The following FBXO11 variants were observed in gnomAD, a reference collection of about 807,000 sequenced individuals.
FBXO11 encodes F-box protein 11.
In FBXO11, 13 loss-of-function variants were observed where a neutral mutation model predicts 117.0. The observed-to-expected ratio is 0.11, with a 90% CI of 0.07 to 0.18. The LOEUF (loss-of-function observed/expected upper bound fraction) is 0.18, where lower values mean the gene tolerates loss of function less well. FBXO11 is among the 10% of genes least tolerant of loss of function. The probability of loss-of-function intolerance (pLI) is 1.00; values close to 1 mark genes in which losing one functional copy is unlikely to be tolerated. For missense variants in FBXO11, 767 were observed against 1,164.4 expected (o/e 0.66, Z 4.97); for synonymous variants, 490 against 380.5 (o/e 1.29, Z -3.35).
chr2:47,884,352 C>T (rs901858802), intron 1 of FBXO11, among the ~76,000 whole-genome samples: 1 of 152,194 alleles, frequency 6.6e-6, no homozygotes, highest in African/African-American at 2.4e-5. Flanking sequence ...CACCAACTCC[C>T]GTCATTACAA....
chr2:47,863,053 C>T (rs1383149074), intron 1 of FBXO11, among the ~76,000 whole-genome samples: 2 of 130,572 alleles, frequency 1.5e-5, no homozygotes, highest in Non-Finnish European at 3.3e-5. Context: ...AAAACTGTGT[C>T]TCAAAAAAAA....
At chr2:47,830,722 A>AGT (rs1372909428) in intron 11 of FBXO11, among the ~76,000 whole-genome samples, 1 of 152,074 alleles carries the variant, frequency 6.6e-6, no homozygotes, top group Non-Finnish European at 1.5e-5. Flanking sequence ...TGGTATAAGG[A>AGT]GTGTGTGTGT....
intron 1 of FBXO11, chr2:47,883,416 C>T (rs890711008): frequency 2.5e-5 from 9 of 360,832 alleles, no homozygotes; most frequent in African/African-American, 8.3e-5. Context: ...TAATCTAACT[C>T]ATCTCTTTAT....
intron 16 of FBXO11, among the ~76,000 whole-genome samples, chr2:47,816,998 A>G (rs1281323805): frequency 6.6e-6 from 1 of 152,330 alleles, no homozygotes; most frequent in East Asian, 1.9e-4. Flanking sequence ...CTTTGAAGTC[A>G]GGCATTGACT....
At chr2:47,843,358 G>C (rs1673157073) in intron 1 of FBXO11, among the ~76,000 whole-genome samples, 1 of 151,882 alleles carries the variant, frequency 6.6e-6, no homozygotes, top group African/African-American at 2.4e-5. Context: ...CACTTTTGTT[G>C]AGGGTGGTGG....
intron 1 of FBXO11, among the ~76,000 whole-genome samples, chr2:47,872,505 GGA>G (rs1675697499): frequency 6.6e-6 from 1 of 152,100 alleles, no homozygotes; most frequent in Non-Finnish European, 1.5e-5. Flanking sequence ...TGTATTTTTA[GGA>G]GAGACGGGGT....
chr2:47,890,730 G>C (rs1360740743), intron 1 of FBXO11, among the ~76,000 whole-genome samples: 1 of 152,056 alleles, frequency 6.6e-6, no homozygotes, highest in Non-Finnish European at 1.5e-5. Context: ...CTTGAACTCG[G>C]GAGGCAGAGG....
At chr2:47,818,711 A>G in intron 16 of FBXO11, 68 bp downstream of exon 16, 2 of 1,080,182 alleles carry the variant, frequency 1.9e-6, no homozygotes, top group Non-Finnish European at 1.3e-6. Context: ...CAATAAGCAA[A>G]TTTCTTTTAC....
intron 1 of FBXO11, among the ~76,000 whole-genome samples, chr2:47,872,371 C>T (rs1334721543): frequency 6.6e-6 from 1 of 152,212 alleles, no homozygotes; most frequent in East Asian, 1.9e-4. Flanking sequence ...GTTGCACAGG[C>T]TGCACTGCAA....
chr2:47,820,659 T>G (rs952422055), intron 13 of FBXO11, among the ~76,000 whole-genome samples: 11 of 152,232 alleles, frequency 7.2e-5, no homozygotes, highest in African/African-American at 2.4e-4. Context: ...GGAGCCGAGC[T>G]GCCACATTTT....
intron 1 of FBXO11, among the ~76,000 whole-genome samples, chr2:47,878,863 C>T (rs371231844): frequency 2.6e-5 from 4 of 151,848 alleles, no homozygotes; most frequent in Admixed American, 6.6e-5. Flanking sequence ...CCTGTAATCC[C>T]GGCTACTCGA....
chr2:47,863,309 T>A (rs984613833), intron 1 of FBXO11, among the ~76,000 whole-genome samples: 2 of 152,190 alleles, frequency 1.3e-5, no homozygotes, highest in Non-Finnish European at 2.9e-5. Context: ...CACTAGTTGA[T>A]TTTATAAAAG....
chr2:47,816,337 G>A (rs1166285894), intron 16 of FBXO11, among the ~76,000 whole-genome samples: 4 of 152,164 alleles, frequency 2.6e-5, no homozygotes, highest in Middle Eastern at 3.4e-3. Flanking sequence ...ATGCCACCAT[G>A]CCTAGCTAAT....
In FBXO11 at chr2:47,837,514, C is replaced by G. The variant is rs575963389; in HGVS notation, c.587+1345G>C. On this transcript the variant is annotated intron_variant, in intron 4 of 22. Transcript: ENST00000403359. ...TGCACTCTAGCCTGGGCAACAAGAA[C>G]GAAACTCCGTCAAAAACAACAACAA... Among the ~76,000 whole-genome samples, 35 of 152,138 alleles carry G rather than the reference C, an allele frequency of 2.3e-4. No individual in the cohort carries two copies. In the South Asian group the frequency reaches 7.3e-3, roughly 32 times the overall value.
chr2:47,850,035 G>A (rs902599008), intron 1 of FBXO11, among the ~76,000 whole-genome samples: 2 of 152,214 alleles, frequency 1.3e-5, no homozygotes, highest in African/African-American at 2.4e-5. Flanking sequence ...CTGGTGGCAG[G>A]AGACGAGTAA....
intron 1 of FBXO11, among the ~76,000 whole-genome samples, chr2:47,899,312 A>G (rs1677920613): frequency 6.6e-6 from 1 of 152,094 alleles, no homozygotes; most frequent in Non-Finnish European, 1.5e-5. Flanking sequence ...ATAAGCTTCA[A>G]CAAATCAGTT....
At chr2:47,900,540 AG>A (rs1041473909) in intron 1 of FBXO11, among the ~76,000 whole-genome samples, 6 of 151,590 alleles carry the variant, frequency 4.0e-5, no homozygotes, top group African/African-American at 1.5e-4. Context: ...TACAGTGTCG[AG>A]AAAAAAGTAT....
rs551239798 is a variant in FBXO11 at position 47,857,288 on chromosome 2, T to C, written c.233-17519A>G. 2.3e-4 allele frequency among the ~76,000 whole-genome samples: 35 copies of C among 152,262 alleles called. No individual in the cohort carries two copies. In the South Asian group the frequency reaches 6.6e-3, roughly 29 times the overall value. On this transcript the variant is annotated intron_variant, in intron 1 of 22. Coordinates refer to ENST00000403359, the MANE Select transcript of FBXO11 (RefSeq NM_001190274.2). ...GCCATTAATGAGCAAGAAGGTATTT[T>C]TTTTTTTAAATCAGCAGAGACAGGG... is the stretch of plus-strand genomic sequence containing the variant.
chr2:47,895,109 G>A (rs1279331320), intron 1 of FBXO11, among the ~76,000 whole-genome samples: 1 of 152,072 alleles, frequency 6.6e-6, no homozygotes, highest in African/African-American at 2.4e-5. Context: ...TATCAGCAAT[G>A]ATATATGCTG....
Sources: allele counts gnomAD v4.1 joint callset (sites outside exome capture counted in the v4.1 genomes callset), GRCh38; gene constraint gnomAD v4.1.1; transcripts MANE v1.5; gene names NCBI Gene and HGNC (gene_info 2026-07-23, HGNC 2026-07-21).